Variants in LRP1B observed in about 807,000 individuals in gnomAD.
The protein encoded by LRP1B is low-density lipoprotein receptor-related protein 1B.
Under a neutral mutation model 556.6 loss-of-function variants are expected in LRP1B, and 217 were observed. That is an observed-to-expected ratio of 0.39 (90% CI 0.35 to 0.44). LRP1B has a LOEUF of 0.44. Among genes scored for constraint, LRP1B ranks in the 20% least tolerant of loss-of-function variants. The probability of loss-of-function intolerance (pLI) is 1.00; values close to 1 mark genes in which losing one functional copy is unlikely to be tolerated. For synonymous variants in LRP1B, 2,047 were observed against 1,865.8 expected (o/e 1.10, Z -2.50); for missense variants, 5,053 against 5,620.8 (o/e 0.90, Z 3.23).
At chr2:141,732,034 C>T (rs13387218) in intron 2 of LRP1B, among the ~76,000 whole-genome samples, 279 of 152,216 alleles carry the variant, frequency 1.8e-3, no homozygotes, top group African/African-American at 5.6e-3. Context: ...AAGGGTTCTC[C>T]GCCTCCATTC....
chr2:140,650,314 TTTATTTA>T (rs1684633920), intron 41 of LRP1B, among the ~76,000 whole-genome samples: 83 of 518 alleles, frequency 0.16, no homozygotes, highest in Non-Finnish European at 0.28. Context: ...TTTATTTTTA[TTTATTTA>T]TTTATTTATT....
intron 1 of LRP1B, among the ~76,000 whole-genome samples, chr2:142,041,597 A>G (rs1704069105): frequency 6.6e-6 from 1 of 151,508 alleles, no homozygotes; most frequent in African/African-American, 2.4e-5. Flanking sequence ...AACTCAAAGA[A>G]GTTATTTTTC....
intron 49 of LRP1B, among the ~76,000 whole-genome samples, chr2:140,517,810 A>C (rs1689981538): frequency 6.7e-6 from 1 of 148,544 alleles, no homozygotes; most frequent in South Asian, 2.1e-4. Context: ...TCCCGGGTTC[A>C]AGTGATTCTC....
Position 141,086,996 on chromosome 2 carries a change from A to C in LRP1B, c.1014-24723T>G, listed in dbSNP as rs556359887. ...AATGGGCTAGAAAAAAAGTGTTTGC[A>C]GAAAGTAGGCATCCCACTTACATAG... On this transcript the variant is annotated intron_variant, in intron 7 of 90. Coordinates refer to ENST00000389484, the MANE Select transcript of LRP1B (RefSeq NM_018557.3). Among the ~76,000 whole-genome samples, 3 of 152,364 alleles carry C rather than the reference A, an allele frequency of 2.0e-5. No homozygotes were observed. In the East Asian group the frequency reaches 5.8e-4, roughly 29 times the overall value.
chr2:141,635,951 A>C (rs1487650666), intron 2 of LRP1B, among the ~76,000 whole-genome samples: 1 of 152,114 alleles, frequency 6.6e-6, no homozygotes, highest in Admixed American at 6.6e-5. Flanking sequence ...GCCAAAGCTG[A>C]CTTTGTCACT....
intron 77 of LRP1B, among the ~76,000 whole-genome samples, chr2:140,347,713 C>G (rs1158329355): frequency 6.6e-6 from 1 of 151,962 alleles, no homozygotes; most frequent in African/African-American, 2.4e-5. Flanking sequence ...GTATTCATAG[C>G]TTGATTTGTG....
At chr2:140,251,956 A>T (rs189413708) in intron 86 of LRP1B, among the ~76,000 whole-genome samples, 1 of 150,558 alleles carries the variant, frequency 6.6e-6, no homozygotes, top group Non-Finnish European at 1.5e-5. Context: ...TGGTGAGCAT[A>T]TAAAACTACA....
intron 2 of LRP1B, among the ~76,000 whole-genome samples, chr2:141,670,183 T>C (rs542556966): frequency 6.8e-4 from 104 of 152,318 alleles, no homozygotes; most frequent in Non-Finnish European, 1.4e-3. Context: ...TTTGTGTTTT[T>C]TATACCCCTC....
At chr2:140,945,152 TA>T (rs2105291951) in intron 20 of LRP1B, among the ~76,000 whole-genome samples, 1 of 152,158 alleles carries the variant, frequency 6.6e-6, no homozygotes, top group Admixed American at 6.5e-5. Flanking sequence ...CTATTTACAA[TA>T]GCTACAAAAA....
At chr2:142,126,592 T>C (rs1371421367) in intron 1 of LRP1B, among the ~76,000 whole-genome samples, 1 of 151,908 alleles carries the variant, frequency 6.6e-6, no homozygotes, top group African/African-American at 2.4e-5. Flanking sequence ...TGAAGACAAG[T>C]GTTTCCTTTG....
intron 43 of LRP1B, among the ~76,000 whole-genome samples, chr2:140,585,924 T>C (rs1389261071): frequency 6.6e-6 from 1 of 152,198 alleles, no homozygotes; most frequent in Non-Finnish European, 1.5e-5. Flanking sequence ...AAGTCTTTAA[T>C]AAGTCTTATT....
intron 66 of LRP1B, among the ~76,000 whole-genome samples, chr2:140,432,488 C>G (rs1685993915): frequency 6.6e-6 from 1 of 152,134 alleles, no homozygotes; most frequent in African/African-American, 2.4e-5. Context: ...TTTCTTGTGC[C>G]TCTGTGATTT....
intron 2 of LRP1B, among the ~76,000 whole-genome samples, chr2:141,681,268 G>C (rs1259179038): frequency 2.0e-5 from 3 of 151,998 alleles, no homozygotes; most frequent in African/African-American, 7.2e-5. Context: ...ACTCCAGCCT[G>C]GGTGACGGAG....
At chr2:142,089,379 C>T (rs531762652) in intron 1 of LRP1B, among the ~76,000 whole-genome samples, 41 of 152,188 alleles carry the variant, frequency 2.7e-4, no homozygotes, top group African/African-American at 8.2e-4. Flanking sequence ...TAGACCAAAA[C>T]GTCTTGCAAC....
intron 43 of LRP1B, among the ~76,000 whole-genome samples, chr2:140,594,235 T>G (rs475172): frequency 0.35 from 53,342 of 152,022 alleles, 9,575 homozygotes; most frequent in African/African-American, 0.37. Flanking sequence ...CTCCCAAAGC[T>G]CTGGGATAAC....
chr2:141,391,085 G>C (rs943619482), intron 3 of LRP1B, among the ~76,000 whole-genome samples: 2 of 151,904 alleles, frequency 1.3e-5, no homozygotes, highest in Non-Finnish European at 2.9e-5. Context: ...TTGAGGGGAG[G>C]GAATAAATCT....
chr2:141,423,991 A>G lies in LRP1B; in HGVS notation c.343+56405T>C, dbSNP rs938773601. Among the ~76,000 whole-genome samples, 11 of 152,296 alleles carry G rather than the reference A, an allele frequency of 7.2e-5. No homozygotes were observed. The East Asian group carries it at 2.1e-3, about 29-fold the overall frequency. ...ATATCACCTCTATTTTGAAATTTAA[A>G]ACATATGATTCAGTTAAAAGAGATG... On this transcript the variant is annotated intron_variant, in intron 3 of 90. Coordinates refer to ENST00000389484, the MANE Select transcript of LRP1B (RefSeq NM_018557.3).
At chr2:141,732,600 G>C (rs1341090572) in intron 2 of LRP1B, among the ~76,000 whole-genome samples, 1 of 152,044 alleles carries the variant, frequency 6.6e-6, no homozygotes, top group Admixed American at 6.6e-5. Context: ...TCTGCTTGCA[G>C]TCGATCCGCA....
rs747607878 is a variant in LRP1B, at chr2:141,810,385, A to T, written c.99T>A (p.Asp33Glu). Reference sequence around the variant, plus strand: ...GATCGTGGCAAAGAAATTCACCAGGATCACACAACTGCTGATCTGAAAATG... The same window carrying T: ...GATCGTGGCAAAGAAATTCACCAGGTTCACACAACTGCTGATCTGAAAATG... Reference protein sequence around the residue: ...VGADRDQQLCDPGEFLCHDHV... With the variant: ...VGADRDQQLCEPGEFLCHDHV... The change falls in exon 2 of 91, where the codon GAT (aspartate) becomes GAA (glutamate). Residue 33 changes from aspartate (D) to glutamate (E), a missense_variant. Asp to Glu is a conservative substitution (Grantham distance 45). Around this residue, in one of 5 missense-constraint regions of LRP1B, gnomAD observed 3,619 missense variants for 3,931.9 expected, o/e 0.92. Transcript: ENST00000389484. 6.2e-7 allele frequency: 1 copy of T among 1,613,062 alleles called. No homozygotes were observed. Among genetic ancestry groups the T allele is most frequent in the Non-Finnish European group, 8.5e-7 (1 of 1,179,410 alleles).
Sources: allele counts gnomAD v4.1 joint callset (sites outside exome capture counted in the v4.1 genomes callset), GRCh38; gene constraint gnomAD v4.1.1; regional missense constraint gnomAD v4.1.1; transcripts MANE v1.5; gene names NCBI Gene and HGNC (gene_info 2026-07-23, HGNC 2026-07-21).